CSMD1: variants seen among roughly 807,000 people sequenced by gnomAD.
The protein encoded by CSMD1 is CUB and sushi domain-containing protein 1.
Under a neutral mutation model 417.5 loss-of-function variants are expected in CSMD1, and 213 were observed. The ratio of observed to expected loss-of-function variants is 0.51; its 90% CI spans 0.46 to 0.57. The LOEUF (loss-of-function observed/expected upper bound fraction) is 0.57, where lower values mean the gene tolerates loss of function less well. Among genes scored for constraint, CSMD1 ranks in the 20% least tolerant of loss-of-function variants. The probability of loss-of-function intolerance (pLI) is 0.00; values close to 1 mark genes in which losing one functional copy is unlikely to be tolerated. For missense variants in CSMD1, 6,923 were observed against 4,529.7 expected, an observed-to-expected ratio of 1.53 and a Z score of -15.17; for synonymous variants, 2,862 against 1,736.8, an observed-to-expected ratio of 1.65 and a Z score of -16.11.
intron 3 of CSMD1, among the ~76,000 whole-genome samples, chr8:4,063,426 T>C (rs1799083469): frequency 6.6e-6 from 1 of 152,186 alleles, no homozygotes; most frequent in Non-Finnish European, 1.5e-5. Context: ...TTATGATTAT[T>C]AAATGAATAC....
chr8:3,611,769 C>G (rs1801905552), intron 8 of CSMD1, among the ~76,000 whole-genome samples: 1 of 151,972 alleles, frequency 6.6e-6, no homozygotes, highest in Admixed American at 6.6e-5. Context: ...TTTGAAAGAA[C>G]TCATAACTCG....
At chr8:3,330,531 C>A (rs1193821357) in intron 23 of CSMD1, among the ~76,000 whole-genome samples, 1 of 152,130 alleles carries the variant, frequency 6.6e-6, no homozygotes, top group Non-Finnish European at 1.5e-5. Flanking sequence ...CACTTCTAAG[C>A]AGGAGCTAAA....
At chr8:4,994,277 CA>C in intron 1 of CSMD1, 54 bp downstream of exon 1, 4 of 1,535,986 alleles carry the variant, frequency 2.6e-6, no homozygotes, top group Non-Finnish European at 3.6e-6. Context: ...CGCGTCCGCA[CA>C]CGGGGCCTCC....
At chr8:3,858,221 G>C (rs1358347943) in intron 5 of CSMD1, among the ~76,000 whole-genome samples, 1 of 152,130 alleles carries the variant, frequency 6.6e-6, no homozygotes, top group Non-Finnish European at 1.5e-5. Context: ...ATAATTCAAA[G>C]TAAAAGTTAT....
intron 3 of CSMD1, among the ~76,000 whole-genome samples, chr8:4,288,704 T>A (rs181249705): frequency 6.6e-6 from 1 of 152,180 alleles, no homozygotes; most frequent in Non-Finnish European, 1.5e-5. Flanking sequence ...AGTCTTCTAG[T>A]GGATTTTTAA....
At chr8:3,902,032 G>A (rs985124938) in intron 5 of CSMD1, among the ~76,000 whole-genome samples, 11 of 151,598 alleles carry the variant, frequency 7.3e-5, no homozygotes, top group African/African-American at 1.9e-4. Context: ...TTTATTATAC[G>A]TTGTTCTTCT....
chr8:4,359,092 T>C (rs2128906411), intron 3 of CSMD1, among the ~76,000 whole-genome samples: 1 of 152,254 alleles, frequency 6.6e-6, no homozygotes, highest in South Asian at 2.1e-4. Flanking sequence ...ACATAGTATA[T>C]TAATAAATGC....
At chr8:3,159,060 A>G (rs991732807) in intron 38 of CSMD1, among the ~76,000 whole-genome samples, 1 of 152,156 alleles carries the variant, frequency 6.6e-6, no homozygotes, top group African/African-American at 2.4e-5. Flanking sequence ...TTTAAAGAAG[A>G]TACTCCAGGT....
At chr8:3,206,382 T>G (rs1294128809) in intron 30 of CSMD1, among the ~76,000 whole-genome samples, 1 of 132,620 alleles carries the variant, frequency 7.5e-6, no homozygotes, top group Admixed American at 8.1e-5. Context: ...TATGTCTGTG[T>G]GTGTGTATGT....
intron 5 of CSMD1, among the ~76,000 whole-genome samples, chr8:3,763,653 T>C (rs751819149): frequency 2.0e-5 from 3 of 152,164 alleles, no homozygotes; most frequent in African/African-American, 7.2e-5. Flanking sequence ...TATTCCTATA[T>C]AGCACTGCAA....
chr8:4,293,068 G>C (rs1797462305), intron 3 of CSMD1, among the ~76,000 whole-genome samples: 1 of 152,132 alleles, frequency 6.6e-6, no homozygotes, highest in South Asian at 2.1e-4. Flanking sequence ...GCTGCGTCTG[G>C]AGTAGAACCA....
At chr8:3,935,617 G>A (rs1266798336) in intron 5 of CSMD1, among the ~76,000 whole-genome samples, 2 of 152,052 alleles carry the variant, frequency 1.3e-5, no homozygotes, top group East Asian at 1.9e-4. Context: ...TATTGTAATT[G>A]TTTGGGGGCC....
chr8:3,401,630 T>A (rs1812044522), intron 15 of CSMD1, among the ~76,000 whole-genome samples: 1 of 152,188 alleles, frequency 6.6e-6, no homozygotes, highest in Non-Finnish European at 1.5e-5. Context: ...CAGTTGGAAG[T>A]GAATTTCTCA....
intron 7 of CSMD1, among the ~76,000 whole-genome samples, chr8:3,618,713 TA>T (rs970192566): frequency 9.9e-5 from 15 of 151,892 alleles, no homozygotes; most frequent in African/African-American, 3.4e-4. Context: ...TAAATGACAG[TA>T]AAAAAATCTG....
At chr8:4,541,791 G>C (rs577740425) in intron 2 of CSMD1, among the ~76,000 whole-genome samples, 2 of 152,108 alleles carry the variant, frequency 1.3e-5, no homozygotes, top group Admixed American at 1.3e-4. Flanking sequence ...CACCATGCTT[G>C]ACCAAAAATA....
Position 3,630,384 on chromosome 8 carries a change from G to A in CSMD1, c.1010-13587C>T, listed in dbSNP as rs573680373. On this transcript the variant is annotated intron_variant, in intron 7 of 69. Coordinates refer to ENST00000635120, the MANE Select transcript of CSMD1 (RefSeq NM_033225.6). ...AGAAGCCAAGCCCTCAGGAAGGAAC[G>A]AGACTGGAGTATTCAAAGATCCGAA... Among the ~76,000 whole-genome samples, 7 of 152,300 alleles carry A rather than the reference G, an allele frequency of 4.6e-5. No individual in the cohort carries two copies. The East Asian group carries it at 5.8e-4, about 13-fold the overall frequency.
intron 5 of CSMD1, among the ~76,000 whole-genome samples, chr8:3,994,378 A>C (rs979291339): frequency 1.3e-4 from 20 of 151,242 alleles, no homozygotes; most frequent in African/African-American, 4.4e-4. Flanking sequence ...CTCAGAAATG[A>C]AATCAATTTT....
intron 3 of CSMD1, among the ~76,000 whole-genome samples, chr8:4,223,489 G>A (rs1801167502): frequency 1.3e-5 from 2 of 152,236 alleles, no homozygotes; most frequent in East Asian, 1.9e-4. Context: ...ATAATTGGTA[G>A]AGATGATTGC....
intron 3 of CSMD1, among the ~76,000 whole-genome samples, chr8:4,213,354 G>T (rs1563283600): frequency 1.3e-5 from 2 of 152,102 alleles, no homozygotes; most frequent in Middle Eastern, 3.4e-3. Context: ...CAAGGGCCGT[G>T]CACAAAAAAA....
Sources: allele counts gnomAD v4.1 joint callset (sites outside exome capture counted in the v4.1 genomes callset), GRCh38; gene constraint gnomAD v4.1.1; transcripts MANE v1.5; gene names NCBI Gene and HGNC (gene_info 2026-07-23, HGNC 2026-07-21).